The following PDE8A variants were observed in gnomAD, a reference collection of about 807,000 sequenced individuals.
PDE8A encodes the protein phosphodiesterase 8A.
In PDE8A, 59 loss-of-function variants were observed where a neutral mutation model predicts 105.0. The ratio of observed to expected loss-of-function variants is 0.56; its 90% CI spans 0.46 to 0.70. PDE8A has a LOEUF of 0.70. Among genes scored for constraint, PDE8A ranks in the 30% least tolerant of loss-of-function variants. The probability of loss-of-function intolerance (pLI) is 0.00; values close to 1 mark genes in which losing one functional copy is unlikely to be tolerated. For missense variants in PDE8A, 1,014 were observed against 1,045.9 expected, an observed-to-expected ratio of 0.97 and a Z score of 0.42; for synonymous variants, 355 against 371.9, an observed-to-expected ratio of 0.95 and a Z score of 0.52.
At chr15:85,043,389 G>A (rs2080839795) in intron 1 of PDE8A, among the ~76,000 whole-genome samples, 1 of 152,136 alleles carries the variant, frequency 6.6e-6, no homozygotes. Flanking sequence ...GAGGGAAGAG[G>A]TAGATTCTAG....
At chr15:85,129,622 C>A (rs993816965) in intron 20 of PDE8A, among the ~76,000 whole-genome samples, 1 of 151,954 alleles carries the variant, frequency 6.6e-6, no homozygotes, top group Non-Finnish European at 1.5e-5. Context: ...GTCCATCTAG[C>A]CAAAGATTTG....
chr15:85,125,899 C>T (rs146498774), intron 19 of PDE8A, among the ~76,000 whole-genome samples: 2 of 151,810 alleles, frequency 1.3e-5, no homozygotes, highest in Non-Finnish European at 2.9e-5. Flanking sequence ...GAAAAAAAGG[C>T]AACTGTGAGA....
chr15:85,011,691 C>T (rs2080241679), intron 1 of PDE8A, among the ~76,000 whole-genome samples: 1 of 152,122 alleles, frequency 6.6e-6, no homozygotes, highest in African/African-American at 2.4e-5. Flanking sequence ...CCAAAATTGA[C>T]ACATGGGATC....
chr15:85,090,936 C>A, intron 7 of PDE8A, 108 bp from the exon 8 acceptor site: 1 of 954,992 alleles, frequency 1.0e-6, no homozygotes, highest in South Asian at 1.6e-5. Flanking sequence ...GGCTCCTGAG[C>A]TTTTTCTGGG....
intron 6 of PDE8A, among the ~76,000 whole-genome samples, chr15:85,084,904 A>G (rs1052415338): frequency 1.3e-5 from 2 of 149,376 alleles, no homozygotes; most frequent in Admixed American, 6.6e-5. Context: ...ACCAAGTCCA[A>G]TTGATCTTAC....
intron 1 of PDE8A, among the ~76,000 whole-genome samples, chr15:85,005,889 A>G (rs986299643): frequency 3.3e-5 from 5 of 152,160 alleles, no homozygotes; most frequent in Non-Finnish European, 7.3e-5. Context: ...CAATTAAGTC[A>G]GGAGTGAGGT....
rs577644391 is a variant in PDE8A, at chr15:85,028,567, C to G, written c.187-35803C>G. ...TTTTGTGCTGCTAAATTGTCCTTCC[C>G]AAATGTACCAGTTTATACTCCTACA... On this transcript the variant is annotated intron_variant, in intron 1 of 21. Coordinates refer to ENST00000394553, the MANE Select transcript of PDE8A (RefSeq NM_002605.3). Among the ~76,000 whole-genome samples the G allele has an allele frequency of 3.3e-5, 5 of 152,234 alleles. 1 individual carries two copies. Among genetic ancestry groups the G allele is most frequent in the Middle Eastern group, 6.8e-3 (2 of 294 alleles).
intron 1 of PDE8A, among the ~76,000 whole-genome samples, chr15:85,038,518 TGTACTC>T (rs2080747450): frequency 6.6e-6 from 1 of 152,182 alleles, no homozygotes; most frequent in Non-Finnish European, 1.5e-5. Context: ...AAAAAGCTTC[TGTACTC>T]GGCAAAGGAA....
chr15:85,132,433 C>A (rs147306739), intron 20 of PDE8A, among the ~76,000 whole-genome samples: 1,782 of 152,016 alleles, frequency 0.012, 40 homozygotes, highest in African/African-American at 0.041. Context: ...GATACTGAAC[C>A]CCTCTGGTGA....
chr15:85,051,428 TG>T (rs1300711496), intron 1 of PDE8A, among the ~76,000 whole-genome samples: 1 of 152,220 alleles, frequency 6.6e-6, no homozygotes, highest in Admixed American at 6.5e-5. Flanking sequence ...CTGTGGGTTT[TG>T]TTCATACATG....
chr15:85,121,232 G>A (rs199745499), intron 18 of PDE8A, among the ~76,000 whole-genome samples: 8 of 151,768 alleles, frequency 5.3e-5, no homozygotes, highest in East Asian at 3.9e-4. Context: ...CCTGGGCAAC[G>A]TAGGGAGACC....
intron 1 of PDE8A, among the ~76,000 whole-genome samples, chr15:85,055,423 C>T (rs925439039): frequency 1.1e-3 from 160 of 152,198 alleles, no homozygotes; most frequent in Non-Finnish European, 1.8e-3. Flanking sequence ...TAAAGTCTCC[C>T]ATTATTATTG....
chr15:85,022,580 C>A (rs1344371222), intron 1 of PDE8A, among the ~76,000 whole-genome samples: 1 of 150,256 alleles, frequency 6.7e-6, no homozygotes, highest in African/African-American at 2.5e-5. Context: ...TGTTCTGTCA[C>A]CCCTGTCGCC....
In PDE8A at chr15:84,982,242, C is replaced by T. The variant is rs1388653788; in HGVS notation, c.80C>T (p.Ser27Leu). 9 of 1,464,078 alleles carry T rather than the reference C, an allele frequency of 6.1e-6. No homozygotes were observed. The highest frequency in any genetic ancestry group is 5.9e-5 in the African/African-American group (4 of 67,788). 90.7% of individuals were successfully genotyped at this position (1,464,078 alleles called of 1,614,324 possible). The change falls in exon 1 of 22, where the codon TCG becomes TTG. Residue 27 changes from serine to leucine, a missense_variant. By Grantham distance (145) the Ser-to-Leu change is moderately radical. Coordinates refer to ENST00000394553, the MANE Select transcript of PDE8A (RefSeq NM_002605.3). ...CCTAGCCCCGCGGCACCGCCGCTGTCGTCCGGCGGGCCGCGCCTCCCGCAG... is the reference window on the plus strand; with the variant it reads ...CCTAGCCCCGCGGCACCGCCGCTGTTGTCCGGCGGGCCGCGCCTCCCGCAG... ...DAPSPAAPPL[S>L]SGGPRLPQGQ... is the part of the protein sequence containing the mutation.
chr15:85,135,753 C>T (rs2082399025), intron 20 of PDE8A, among the ~76,000 whole-genome samples: 1 of 152,178 alleles, frequency 6.6e-6, no homozygotes, highest in Admixed American at 6.5e-5. Flanking sequence ...GAACAGGACG[C>T]TTGCCTTTTT....
chr15:85,017,449 T>C (rs543444513), intron 1 of PDE8A, among the ~76,000 whole-genome samples: 29 of 102,206 alleles, frequency 2.8e-4, no homozygotes, highest in Non-Finnish European at 6.0e-4. Flanking sequence ...TGCAGTCTCT[T>C]ATTGCATTGG....
chr15:85,095,569 C>G (rs149071505), intron 8 of PDE8A, among the ~76,000 whole-genome samples: 25 of 152,292 alleles, frequency 1.6e-4, no homozygotes, highest in African/African-American at 5.8e-4. Flanking sequence ...GTCTCTCAAA[C>G]TCCTGACCTC....
intron 1 of PDE8A, chr15:85,063,248 A>G (rs571879408): frequency 9.2e-5 from 14 of 152,322 alleles, no homozygotes; most frequent in African/African-American, 3.1e-4. Context: ...TGTGTTTACT[A>G]GAATAGGTCA....
At chr15:84,997,882 C>A (rs921761971) in intron 1 of PDE8A, among the ~76,000 whole-genome samples, 1 of 152,344 alleles carries the variant, frequency 6.6e-6, no homozygotes, top group African/African-American at 2.4e-5. Flanking sequence ...AGGCATGAGC[C>A]ACTGCGCCCA....
Sources: allele counts gnomAD v4.1 joint callset (sites outside exome capture counted in the v4.1 genomes callset), GRCh38; gene constraint gnomAD v4.1.1; transcripts MANE v1.5; gene names NCBI Gene and HGNC (gene_info 2026-07-23, HGNC 2026-07-21).